Variants in ROBO1 observed in about 807,000 individuals in gnomAD.
ROBO1 encodes roundabout homolog 1.
ROBO1 carries 149 observed loss-of-function variants against 195.9 expected under a neutral mutation model. That is an observed-to-expected ratio of 0.76 (90% confidence interval 0.67 to 0.87). The LOEUF (loss-of-function observed/expected upper bound fraction) is 0.87. Ranked by LOEUF, ROBO1 falls within the 40% of genes least tolerant of loss-of-function variation. The pLI, the probability that ROBO1 is intolerant of heterozygous loss-of-function variation, is 0.00. For missense variants in ROBO1, 1,933 were observed against 2,068.3 expected (o/e 0.93, Z 1.27); for synonymous variants, 816 against 733.2 (o/e 1.11, Z -1.82).
intron 5 of ROBO1, among the ~76,000 whole-genome samples, chr3:78,720,690 A>C (rs911015810): frequency 2.6e-5 from 4 of 152,232 alleles, no homozygotes; most frequent in Admixed American, 6.5e-5. Flanking sequence ...ACTTGGAACC[A>C]ACCCAAATGT....
intron 2 of ROBO1, among the ~76,000 whole-genome samples, chr3:79,579,422 A>C (rs911136486): frequency 6.6e-6 from 1 of 152,202 alleles, no homozygotes; most frequent in Non-Finnish European, 1.5e-5. Context: ...CTTAGGTAGA[A>C]GAAAGTGTCT....
chr3:78,772,738 A>G (rs2108437067), intron 4 of ROBO1, among the ~76,000 whole-genome samples: 1 of 152,212 alleles, frequency 6.6e-6, no homozygotes, highest in African/African-American at 2.4e-5. Flanking sequence ...AGATAGGTAA[A>G]AACCTGACAT....
chr3:79,594,891 TGGCTTA>T (rs1944115284), intron 1 of ROBO1, among the ~76,000 whole-genome samples: 1 of 152,040 alleles, frequency 6.6e-6, no homozygotes, highest in Non-Finnish European at 1.5e-5. Flanking sequence ...AGAATAGTAT[TGGCTTA>T]GGTCTAATTT....
intron 2 of ROBO1, among the ~76,000 whole-genome samples, chr3:79,369,698 T>A (rs909298604): frequency 1.3e-5 from 2 of 151,960 alleles, no homozygotes; most frequent in African/African-American, 4.8e-5. Flanking sequence ...TTTCTTTTGA[T>A]CTTTAGTCCC....
intron 2 of ROBO1, among the ~76,000 whole-genome samples, chr3:79,371,664 T>G (rs2109339691): frequency 6.6e-6 from 1 of 152,112 alleles, no homozygotes; most frequent in African/African-American, 2.4e-5. Flanking sequence ...ATGAAGAAAG[T>G]ATGTGAGAAC....
At chr3:79,070,460 T>C (rs1034335161) in intron 3 of ROBO1, among the ~76,000 whole-genome samples, 1 of 151,908 alleles carries the variant, frequency 6.6e-6, no homozygotes, top group Non-Finnish European at 1.5e-5. Flanking sequence ...TTCCTGGGAA[T>C]GAAAATTTTA....
At chr3:79,584,538 A>C (rs1403505085) in intron 2 of ROBO1, among the ~76,000 whole-genome samples, 1 of 151,284 alleles carries the variant, frequency 6.6e-6, no homozygotes, top group Non-Finnish European at 1.5e-5. Context: ...AATTCATCAA[A>C]TCACAGGAGT....
rs758282241 is a variant in ROBO1 at position 78,598,779 on chromosome 3, A to C, written c.*134T>G. On this transcript the variant is annotated 3_prime_UTR_variant, in exon 31 of 31. Transcript: ENST00000464233. ...AATAAAGTTTTTAAAATGATATCCC[A>C]ATAAGAGGAATAAAAACGACAATTT... 4.8e-5 allele frequency: 26 copies of C among 544,582 alleles called. No individual in the cohort carries two copies. The highest frequency in any genetic ancestry group is 4.7e-4 in the Middle Eastern group (1 of 2,144). The allele number at this position is 544,582 out of a possible 1,614,324, so 33.7% of individuals were successfully genotyped here.
chr3:78,938,975 T>A, intron 3 of ROBO1, 48 bp from the exon 4 acceptor site: 1 of 1,473,532 alleles, frequency 6.8e-7, no homozygotes, highest in Non-Finnish European at 9.3e-7. Context: ...TGAAAACAGT[T>A]AATCGCTTAT....
chr3:79,038,205 G>A (rs2078416149), intron 3 of ROBO1, among the ~76,000 whole-genome samples: 1 of 152,100 alleles, frequency 6.6e-6, no homozygotes, highest in Admixed American at 6.6e-5. Flanking sequence ...AGTGATTTGT[G>A]GTATAGAACT....
At chr3:79,508,841 C>G (rs1357522776) in intron 2 of ROBO1, among the ~76,000 whole-genome samples, 3 of 152,144 alleles carry the variant, frequency 2.0e-5, no homozygotes, top group African/African-American at 7.2e-5. Context: ...ATTCTGTAGA[C>G]AAACATTTAT....
intron 5 of ROBO1, among the ~76,000 whole-genome samples, chr3:78,729,648 A>C (rs143762688): frequency 1.3e-5 from 2 of 152,280 alleles, no homozygotes; most frequent in East Asian, 3.9e-4. Context: ...AAGGCTTTTT[A>C]GCAGATTTCC....
chr3:79,338,985 T>C (rs1021039737), intron 2 of ROBO1, among the ~76,000 whole-genome samples: 1 of 152,214 alleles, frequency 6.6e-6, no homozygotes, highest in Admixed American at 6.5e-5. Context: ...CCACTCTTTA[T>C]GTTTGAAATC....
At chr3:78,965,367 T>C (rs1270141029) in intron 3 of ROBO1, among the ~76,000 whole-genome samples, 1 of 152,198 alleles carries the variant, frequency 6.6e-6, no homozygotes, top group Non-Finnish European at 1.5e-5. Flanking sequence ...GCAGCAGTTT[T>C]AGGACAAATT....
chr3:78,854,488 AG>A, intron 4 of ROBO1, among the ~76,000 whole-genome samples: 1 of 151,506 alleles, frequency 6.6e-6, no homozygotes, highest in East Asian at 1.9e-4. Context: ...TTAACAGTCA[AG>A]TAATATTTTT....
intron 1 of ROBO1, among the ~76,000 whole-genome samples, chr3:79,599,748 C>T (rs1225303039): frequency 2.0e-5 from 3 of 152,064 alleles, no homozygotes; most frequent in African/African-American, 7.2e-5. Context: ...TCTTCTTTCA[C>T]TTTAATTACA....
chr3:78,621,898 C>A (rs1471829946), intron 26 of ROBO1, among the ~76,000 whole-genome samples: 3 of 152,158 alleles, frequency 2.0e-5, no homozygotes, highest in African/African-American at 7.2e-5. Flanking sequence ...GAAAAATGCA[C>A]ACCTTTGAGA....
Position 78,716,469 on chromosome 3 carries a change from T to G in ROBO1, c.917+806A>C, listed in dbSNP as rs2081905577. Among the ~76,000 whole-genome samples the G allele has an allele frequency of 3.3e-5, 5 of 152,250 alleles. No individual in the cohort carries two copies. The South Asian group carries it at 1.0e-3, about 32-fold the overall frequency. Reference sequence around the variant, plus strand: ...CTCACTCACTATCACAAGAACAGCATGAGGGAAACCACCCCTATGATTCAA... The same window carrying G: ...CTCACTCACTATCACAAGAACAGCAGGAGGGAAACCACCCCTATGATTCAA... On this transcript the variant is annotated intron_variant, in intron 7 of 30. Coordinates refer to ENST00000464233, the MANE Select transcript of ROBO1 (RefSeq NM_002941.4).
chr3:79,699,489 T>C (rs1356105809), intron 1 of ROBO1, among the ~76,000 whole-genome samples: 2 of 151,636 alleles, frequency 1.3e-5, no homozygotes, highest in African/African-American at 2.4e-5. Flanking sequence ...TGCATTTTTA[T>C]AGATAAAGCA....
Sources: gnomAD v4.1 joint callset for allele counts (sites outside exome capture counted in the v4.1 genomes callset) on GRCh38, gnomAD v4.1.1 for gene constraint, MANE v1.5 for transcripts, NCBI Gene and HGNC (gene_info 2026-07-23, HGNC 2026-07-21) for gene names.